The following STAT5A variants were observed in gnomAD, a reference collection of about 807,000 sequenced individuals.
The protein encoded by STAT5A is epididymis secretory sperm binding protein.
In STAT5A, 26 loss-of-function variants were observed where a neutral mutation model predicts 100.2. That is an observed-to-expected ratio of 0.26 (90% CI 0.19 to 0.36). STAT5A has a LOEUF of 0.36. Ranked by LOEUF, STAT5A falls within the 10% of genes least tolerant of loss-of-function variation. STAT5A has a pLI of 1.00. For synonymous variants in STAT5A, 330 were observed against 424.3 expected (o/e 0.78, Z 2.73); for missense variants, 634 against 1,027.5 (o/e 0.62, Z 5.24).
At position 42,308,134 on chromosome 17, in the gene STAT5A, C is replaced by T. The variant is rs371891243; in HGVS notation, c.1907-44C>T. ...CCTAAAGCCCCACAACCTTGGTCCT[C>T]CTGCTGCTGGTGGATTATGGGAATG... is the stretch of plus-strand genomic sequence containing the variant. On this transcript the variant is annotated intron_variant, in intron 15 of 18. Coordinates refer to ENST00000590949, the MANE Select transcript of STAT5A (RefSeq NM_001288718.2). The surrounding 1 kb of genome is among the most constrained non-coding windows in gnomAD (Gnocchi z 4.6). 13 of 1,604,316 alleles carry T rather than the reference C, an allele frequency of 8.1e-6. No individual in the cohort carries two copies. The African/African-American group carries it at 1.6e-4, about 20-fold the overall frequency.
Position 42,306,723 on chromosome 17 carries a change from T to TC in STAT5A, c.1680+277dup, listed in dbSNP as rs143454644. On this transcript the variant is annotated intron_variant, in intron 13 of 18. Coordinates refer to ENST00000590949, the MANE Select transcript of STAT5A (RefSeq NM_001288718.2). Reference sequence around the variant, plus strand: ...TGGGCCTAGATGTGTTTGCTAATTTTCTTTTTTTTTTTTAGAGACAGAATC... The same window carrying TC: ...TGGGCCTAGATGTGTTTGCTAATTTTCCTTTTTTTTTTTTAGAGACAGAATC... Among the ~76,000 whole-genome samples, 49 of 151,828 alleles carry TC rather than the reference T, an allele frequency of 3.2e-4. 1 individual carries two copies. In the East Asian group the frequency reaches 9.3e-3, roughly 29 times the overall value.
chr17:42,297,326 G>A (rs1173447533), intron 5 of STAT5A, among the ~76,000 whole-genome samples: 1 of 152,196 alleles, frequency 6.6e-6, no homozygotes, highest in Non-Finnish European at 1.5e-5. Flanking sequence ...TTCTGAGAAT[G>A]GAAACGGAAG....
chr17:42,298,083 A>G (rs996148282), intron 5 of STAT5A, among the ~76,000 whole-genome samples: 3 of 151,092 alleles, frequency 2.0e-5, no homozygotes, highest in South Asian at 2.1e-4. Flanking sequence ...AACTGTGGAC[A>G]TGTTTACTTT....
At chr17:42,303,060 A>G (rs2080996397) in intron 9 of STAT5A, among the ~76,000 whole-genome samples, 1 of 151,714 alleles carries the variant, frequency 6.6e-6, no homozygotes, top group Non-Finnish European at 1.5e-5. Flanking sequence ...AGCCTGGCCA[A>G]CATGGTGAAA....
At chr17:42,302,960 A>G (rs1210257285) in intron 9 of STAT5A, among the ~76,000 whole-genome samples, 1 of 150,336 alleles carries the variant, frequency 6.7e-6, no homozygotes, top group African/African-American at 2.5e-5. Flanking sequence ...TTAAAAAAAA[A>G]AAAAAGGCCA....
rs2293154 is a variant in STAT5A, at chr17:42,308,985, C to T, written c.2063-62C>T. On this transcript the variant is annotated intron_variant, in intron 16 of 18. Transcript: ENST00000590949. This position sits in a 1 kb window ranked among gnomAD's most constrained non-coding sequence, Gnocchi z 4.6. ...GGAGGGAGACTACATGGGGCGTGGG[C>T]TTCCACCCCACTTGGGAGTTCCCAG... The T allele has an allele frequency of 0.18, 295,881 of 1,604,060 alleles. 29,341 individuals are homozygous for T. Among genetic ancestry groups the T allele is most frequent in the East Asian group, 0.35 (15,868 of 44,824 alleles).
At chr17:42,296,919 A>G (rs2080924125) in intron 5 of STAT5A, among the ~76,000 whole-genome samples, 1 of 151,964 alleles carries the variant, frequency 6.6e-6, no homozygotes, top group South Asian at 2.1e-4. Flanking sequence ...TTATGTAAAT[A>G]CTTGCAGGAT....
intron 18 of STAT5A, chr17:42,309,697 G>A: frequency 4.1e-6 from 2 of 489,740 alleles, no homozygotes; most frequent in Non-Finnish European, 7.2e-6. Context: ...TTGGGAAAAT[G>A]ATTGAGCCTC....
At position 42,304,482 on chromosome 17, in the gene STAT5A, G is replaced by A. The variant is rs1398846957; in HGVS notation, c.1258-48G>A. On this transcript the variant is annotated intron_variant, in intron 10 of 18. Coordinates refer to ENST00000590949, the MANE Select transcript of STAT5A (RefSeq NM_001288718.2). This position sits in a 1 kb window ranked among gnomAD's most constrained non-coding sequence, Gnocchi z 4.8. ...CAGGTCTGCCCAGAGCTGAGTCCTT[G>A]TAAGCAGCCGCCATCTCCCTGTTCC... The A allele has an allele frequency of 1.2e-6, 2 of 1,614,186 alleles. No individual in the cohort carries two copies. The highest frequency in any genetic ancestry group is 1.1e-5 in the South Asian group (1 of 91,082).
chr17:42,289,069 G>A (rs1471251901), intron 1 of STAT5A: 1 of 225,452 alleles, frequency 4.4e-6, no homozygotes. Context: ...CTCTCCAGGG[G>A]GCCTGTGGGC....
chr17:42,298,077 G>A (rs1441380955), intron 5 of STAT5A, among the ~76,000 whole-genome samples: 1 of 151,932 alleles, frequency 6.6e-6, no homozygotes, highest in Non-Finnish European at 1.5e-5. Context: ...GGTTGTAACT[G>A]TGGACATGTT....
upstream of STAT5A, chr17:42,288,148 C>T (rs2080830550): frequency 6.6e-6 from 1 of 152,240 alleles, no homozygotes; most frequent in African/African-American, 2.4e-5. The surrounding 1 kb of genome is among the most constrained non-coding windows in gnomAD (Gnocchi z 4.8). Flanking sequence ...AAACTGAGGC[C>T]CAGGTTTGGG....
intron 13 of STAT5A, 42 bp from the exon 14 acceptor site, chr17:42,307,360 C>T (rs748802990): frequency 1.2e-6 from 2 of 1,600,314 alleles, no homozygotes; most frequent in Admixed American, 1.7e-5. Flanking sequence ...CCACCTGTGA[C>T]CTGGGGCACC....
Position 42,288,874 on chromosome 17 carries a change from TG to T in STAT5A, c.-11+281del, listed in dbSNP as rs1044054810. The stretch of plus-strand genomic sequence containing the variant: ...ACCCGGGGAGGCACTAGTGCACAGA[TG>T]GGGGAGCAGCCGAAGAGGGGAGCGC... On this transcript the variant is annotated intron_variant, in intron 1 of 18. Transcript: ENST00000590949. The surrounding 1 kb of genome is among the most constrained non-coding windows in gnomAD (Gnocchi z 4.8). 6.6e-6 allele frequency among the ~76,000 whole-genome samples: 1 copy of T among 151,970 alleles called. No individual in the cohort carries two copies. The highest frequency in any genetic ancestry group is 1.5e-5 in the Non-Finnish European group (1 of 67,948).
In STAT5A at chr17:42,300,784, G is replaced by A. The variant is rs1248525734; in HGVS notation, c.903G>A (p.Gln301=). The A allele has an allele frequency of 1.2e-6, 2 of 1,612,768 alleles. No individual in the cohort carries two copies. Among genetic ancestry groups the A allele is most frequent in the Admixed American group, 1.7e-5 (1 of 59,996 alleles). The change falls in exon 8 of 19, where the codon CAG becomes CAA. Residue 301 remains glutamine (Q), a synonymous_variant. Transcript: ENST00000590949. The part of the protein sequence containing the change: ...QQIRRAEHLC[Q]QLPIPGPVEE... ...TCCGCAGGGCTGAGCACCTCTGCCA[G>A]CAGCTGCCCATCCCCGGCCCAGTGG...
intron 5 of STAT5A, among the ~76,000 whole-genome samples, chr17:42,297,391 C>T (rs1796894915): frequency 6.6e-6 from 1 of 152,144 alleles, no homozygotes; most frequent in South Asian, 2.1e-4. Context: ...TATTTCTGAT[C>T]CCGTGCCTGG....
intron 18 of STAT5A, 105 bp downstream of exon 18, chr17:42,309,589 C>T: frequency 8.3e-7 from 1 of 1,207,194 alleles, no homozygotes; most frequent in Non-Finnish European, 1.2e-6. Flanking sequence ...TCTGGTTAGG[C>T]CCAAGTCCAG....
intron 12 of STAT5A, 199 bp from the exon 13 acceptor site, chr17:42,306,042 C>G (rs1354289146): frequency 1.1e-6 from 1 of 883,042 alleles, no homozygotes; most frequent in Admixed American, 2.5e-5. Context: ...CCCCCTGCAT[C>G]GGTTTTCTTC....
chr17:42,309,017 T>C, intron 16 of STAT5A, 30 bp from the exon 17 acceptor site: 1 of 1,614,182 alleles, frequency 6.2e-7, no homozygotes. Context: ...CCAGAGACTT[T>C]GGTTCTCACC....
Sources: allele counts gnomAD v4.1 joint callset (sites outside exome capture counted in the v4.1 genomes callset), GRCh38; gene constraint gnomAD v4.1.1; non-coding constraint Gnocchi (gnomAD v3.1); transcripts MANE v1.5; gene names NCBI Gene and HGNC (gene_info 2026-07-23, HGNC 2026-07-21).